The following GRIK4 variants were observed in gnomAD, a reference collection of about 807,000 sequenced individuals.
The protein encoded by GRIK4 is glutamate receptor ionotropic, kainate 4.
Under a neutral mutation model 104.9 loss-of-function variants are expected in GRIK4, and 40 were observed. The ratio of observed to expected loss-of-function variants is 0.38; its 90% CI spans 0.30 to 0.50. The LOEUF (loss-of-function observed/expected upper bound fraction) is 0.50. Ranked by LOEUF, GRIK4 falls within the 20% of genes least tolerant of loss-of-function variation. The probability of loss-of-function intolerance (pLI) is 0.93; values close to 1 mark genes in which losing one functional copy is unlikely to be tolerated. For synonymous variants in GRIK4, 485 were observed against 524.9 expected (o/e 0.92, Z 1.04); for missense variants, 1,047 against 1,308.1 (o/e 0.80, Z 3.08).
intron 8 of GRIK4, among the ~76,000 whole-genome samples, chr11:120,853,649 A>C (rs1479905081): frequency 6.6e-6 from 1 of 152,246 alleles, no homozygotes; most frequent in Admixed American, 6.5e-5. Context: ...TGTGACATTC[A>C]CAAACAGGGA....
At chr11:120,575,530 C>T (rs768106661) in intron 1 of GRIK4, among the ~76,000 whole-genome samples, 69 of 152,116 alleles carry the variant, frequency 4.5e-4, no homozygotes, top group Non-Finnish European at 9.7e-4. Flanking sequence ...CAGGTGCTGG[C>T]CGCCGCTGAA....
intron 1 of GRIK4, among the ~76,000 whole-genome samples, chr11:120,587,531 C>G (rs1206080666): frequency 6.6e-6 from 1 of 152,168 alleles, no homozygotes; most frequent in Non-Finnish European, 1.5e-5. Flanking sequence ...GGCACAGTGT[C>G]AGACATATGT....
intron 3 of GRIK4, among the ~76,000 whole-genome samples, chr11:120,725,745 T>TTA (rs1555049820): frequency 0.028 from 3,963 of 143,602 alleles, 62 homozygotes; most frequent in Middle Eastern, 0.044. Context: ...TCTATGTTTA[T>TTA]AAAAAAAAAA....
chr11:120,873,369 C>T (rs549175997), intron 9 of GRIK4: 1 of 152,304 alleles, frequency 6.6e-6, no homozygotes, highest in South Asian at 2.1e-4. Flanking sequence ...CTTGATTGCC[C>T]AACCAGATGT....
chr11:120,533,924 C>G (rs548052712), intron 1 of GRIK4, among the ~76,000 whole-genome samples: 129 of 152,338 alleles, frequency 8.5e-4, no homozygotes, highest in African/African-American at 3.0e-3. Context: ...CGGAAAGCAA[C>G]TGAAAGCCAC....
intron 3 of GRIK4, among the ~76,000 whole-genome samples, chr11:120,737,799 T>C (rs1489293021): frequency 6.6e-6 from 1 of 152,126 alleles, no homozygotes; most frequent in Non-Finnish European, 1.5e-5. Flanking sequence ...ATGGGGGGCT[T>C]TCTGGGTGGT....
At chr11:120,833,026 A>T (rs1475371019) in intron 7 of GRIK4, among the ~76,000 whole-genome samples, 1 of 152,108 alleles carries the variant, frequency 6.6e-6, no homozygotes, top group Non-Finnish European at 1.5e-5. Context: ...GCTCCTCGTT[A>T]ACCTCTGCCA....
chr11:120,597,188 A>G (rs1250750164), intron 1 of GRIK4, among the ~76,000 whole-genome samples: 1 of 144,480 alleles, frequency 6.9e-6, no homozygotes, highest in Non-Finnish European at 1.6e-5. Flanking sequence ...GGGCCCCTGG[A>G]TGCCAGAGGC....
rs774510176 is a variant in GRIK4 at position 120,898,555 on chromosome 11, G to C, written c.1188G>C (p.Glu396Asp). Residue 396 changes from glutamate (E) to aspartate (D), a missense_variant, in exon 12 of 21, where the codon GAG (glutamate) becomes GAC (aspartate). Glu to Asp is a conservative substitution (Grantham distance 45, BLOSUM62 2). Transcript: ENST00000527524. ...AGATCGGCCAGTGGCACGTGGCAGA[G>C]GGCCTCAGCATGGACAGCCACCTCT... ...FRQIGQWHVA[E>D]GLSMDSHLYA... 2 of 1,609,728 alleles carry C rather than the reference G, an allele frequency of 1.2e-6. No homozygotes were observed. Among genetic ancestry groups the C allele is most frequent in the Admixed American group, 3.3e-5 (2 of 60,018 alleles).
In GRIK4 at chr11:120,819,874, C is replaced by A; in HGVS notation, c.465C>A (p.Asn155Lys). 6.2e-7 allele frequency: 1 copy of A among 1,614,162 alleles called. No homozygotes were observed. The highest frequency in any genetic ancestry group is 8.5e-7 in the Non-Finnish European group (1 of 1,180,026). The change falls in exon 6 of 21, where the codon AAC becomes AAA. Residue 155 changes from asparagine (N) to lysine (K), a missense_variant. Asn to Lys is a moderately conservative substitution (Grantham distance 94). Around this residue, in one of 3 missense-constraint regions of GRIK4, gnomAD observed 447 missense variants for 514.9 expected, o/e 0.87. Transcript: ENST00000527524. The surrounding 1 kb of genome is among the most constrained non-coding windows in gnomAD (Gnocchi z 4.3). ...GCGTGGCTGTAGCTGGGATCCTGAA[C>A]TTCTTCAACTGCACCACCGCCTGCC... ...DISVAVAGIL[N>K]FFNCTTACLI...
In GRIK4 at chr11:120,903,151, A is replaced by T. The variant is rs1166731484; in HGVS notation, c.1273-2139A>T. On this transcript the variant is annotated intron_variant, in intron 12 of 20. Coordinates refer to ENST00000527524, the MANE Select transcript of GRIK4 (RefSeq NM_014619.5). This position sits in a 1 kb window ranked among gnomAD's most constrained non-coding sequence, Gnocchi z 4.4. ...CTGGGCTCCTAGAATCGTGATGTGC[A>T]GGTTTCTCCATGCACACCTGTACCC... Among the ~76,000 whole-genome samples the T allele has an allele frequency of 1.3e-5, 2 of 152,050 alleles. No individual in the cohort carries two copies. The highest frequency in any genetic ancestry group is 4.8e-5 in the African/African-American group (2 of 41,404).
chr11:120,779,801 A>G (rs1952115684), intron 3 of GRIK4, among the ~76,000 whole-genome samples: 1 of 152,222 alleles, frequency 6.6e-6, no homozygotes, highest in African/African-American at 2.4e-5. Flanking sequence ...GGCAGGTAGT[A>G]TTTCTACATC....
Position 120,986,431 on chromosome 11 carries a change from G to A in GRIK4, c.*171G>A. The A allele has an allele frequency of 1.1e-6, 1 of 945,758 alleles. No individual in the cohort carries two copies. Among genetic ancestry groups the A allele is most frequent in the Admixed American group, 3.8e-5 (1 of 26,552 alleles). 58.6% of individuals were successfully genotyped at this position (945,758 alleles called of 1,614,324 possible). ...GAGCCTGACGCCCCAGCCAGAGACC[G>A]CGCCCGGTCAGGGAGCAGGGTCCAC... On this transcript the variant is annotated 3_prime_UTR_variant, in exon 21 of 21. Transcript: ENST00000527524.
chr11:120,548,906 C>T (rs1948112676), intron 1 of GRIK4, among the ~76,000 whole-genome samples: 1 of 152,204 alleles, frequency 6.6e-6, no homozygotes, highest in African/African-American at 2.4e-5. Flanking sequence ...GGCATATGTT[C>T]CCTGTGAGAA....
At chr11:120,908,184 T>A (rs992885841) in intron 13 of GRIK4, among the ~76,000 whole-genome samples, 1 of 152,164 alleles carries the variant, frequency 6.6e-6, no homozygotes, top group Non-Finnish European at 1.5e-5. Flanking sequence ...TTAGGTAACC[T>A]GATAAAGATC....
chr11:120,959,483 A>G (rs1591334262), intron 16 of GRIK4, among the ~76,000 whole-genome samples: 2 of 152,384 alleles, frequency 1.3e-5, no homozygotes, highest in East Asian at 3.9e-4. Flanking sequence ...CAGTGTCTCT[A>G]TGATGGATAA....
intron 3 of GRIK4, among the ~76,000 whole-genome samples, chr11:120,769,844 G>T (rs976211491): frequency 5.9e-5 from 9 of 152,194 alleles, no homozygotes; most frequent in South Asian, 2.1e-4. Context: ...GGACAGTGAG[G>T]CTTACAACAT....
intron 8 of GRIK4, among the ~76,000 whole-genome samples, chr11:120,852,744 G>A (rs74407023): frequency 0.013 from 1,982 of 152,296 alleles, 12 homozygotes; most frequent in African/African-American, 0.018. Context: ...GACGGGTACC[G>A]CAGTCAAGTG....
At position 120,766,299 on chromosome 11, in the gene GRIK4, C is replaced by T. The variant is rs931053899; in HGVS notation, c.83-36394C>T. The stretch of plus-strand genomic sequence containing the variant: ...AACCTCAGTAATGGCAAACGCCCCT[C>T]CCCCCACCAAGCCTGAGCATCCCAG... On this transcript the variant is annotated intron_variant, in intron 3 of 20. Coordinates refer to ENST00000527524, the MANE Select transcript of GRIK4 (RefSeq NM_014619.5). 2.6e-5 allele frequency among the ~76,000 whole-genome samples: 4 copies of T among 152,172 alleles called. No homozygotes were observed. The East Asian group carries it at 5.8e-4, about 22-fold the overall frequency.
Sources: allele counts gnomAD v4.1 joint callset (sites outside exome capture counted in the v4.1 genomes callset), GRCh38; gene constraint gnomAD v4.1.1; regional missense constraint gnomAD v4.1.1; non-coding constraint Gnocchi (gnomAD v3.1); transcripts MANE v1.5; gene names NCBI Gene and HGNC (gene_info 2026-07-23, HGNC 2026-07-21).